SVEP1: variants seen among roughly 807,000 people sequenced by gnomAD.
SVEP1 encodes sushi, von Willebrand factor type A, EGF and pentraxin domain-containing protein 1.
SVEP1 carries 164 observed loss-of-function variants against 367.3 expected under a neutral mutation model. The ratio of observed to expected loss-of-function variants is 0.45; its 90% CI spans 0.39 to 0.51. The LOEUF (loss-of-function observed/expected upper bound fraction) is 0.51, where lower values mean the gene tolerates loss of function less well. Among genes scored for constraint, SVEP1 ranks in the 20% least tolerant of loss-of-function variants. The probability of loss-of-function intolerance (pLI) is 0.00; values close to 1 mark genes in which losing one functional copy is unlikely to be tolerated. For synonymous variants in SVEP1, 1,666 were observed against 1,611.6 expected (o/e 1.03, Z -0.81); for missense variants, 4,117 against 4,425.3 (o/e 0.93, Z 1.98).
Position 110,476,227 on chromosome 9 carries a change from T to C in SVEP1, c.2576A>G (p.Asp859Gly). Residue 859 changes from aspartate to glycine, a missense_variant, in exon 14 of 48, where the codon GAC (aspartate) becomes GGC (glycine). By Grantham distance (94) the Asp-to-Gly change is moderately conservative. This residue lies in a region of SVEP1 where 2,174 missense variants were observed against 2,494.3 expected (regional missense o/e 0.87). Transcript: ENST00000374469. ...TKKYCLEYNY[D>G]YENGFAIGPG... ...ACCAATTGCAAAGCCATTTTCATAGTCATAATTATATTCTAGGCAATATTT... is the reference window on the plus strand; with the variant it reads ...ACCAATTGCAAAGCCATTTTCATAGCCATAATTATATTCTAGGCAATATTT... 1 of 1,612,440 alleles carries C rather than the reference T, an allele frequency of 6.2e-7. No individual in the cohort carries two copies. The highest frequency in any genetic ancestry group is 1.3e-5 in the African/African-American group (1 of 74,984).
rs1830172127 is a variant in SVEP1 at position 110,542,996 on chromosome 9, TA to T, written c.964+3118del. 4.8e-5 allele frequency among the ~76,000 whole-genome samples: 7 copies of T among 147,084 alleles called. No individual in the cohort carries two copies. The South Asian group carries it at 1.1e-3, about 22-fold the overall frequency. On this transcript the variant is annotated intron_variant, in intron 3 of 47. Transcript: ENST00000374469. ...AAAATATATATATATATATATAAAA[TA>T]AAAAAAATAAAGGGGCTCACTGCTT...
At chr9:110,500,061 T>C (rs1156564154) in intron 6 of SVEP1, among the ~76,000 whole-genome samples, 1 of 152,242 alleles carries the variant, frequency 6.6e-6, no homozygotes, top group Non-Finnish European at 1.5e-5. Flanking sequence ...CTGAGCACAC[T>C]AGTAACTTTC....
chr9:110,383,746 G>A (rs1827478802), intron 43 of SVEP1, among the ~76,000 whole-genome samples: 1 of 152,168 alleles, frequency 6.6e-6, no homozygotes, highest in Admixed American at 6.5e-5. Flanking sequence ...GCCACATGGA[G>A]CCCCAGGGGC....
At chr9:110,390,325 T>TTATATAAGTATGTGTATATATAAG (rs1564127547) in intron 40 of SVEP1, among the ~76,000 whole-genome samples, 24 of 58,050 alleles carry the variant, frequency 4.1e-4, no homozygotes, top group African/African-American at 1.7e-3. Flanking sequence ...GTATATATAC[T>TTATATAAGTATGTGTATATATAAG]TATATATACA....
intron 36 of SVEP1, among the ~76,000 whole-genome samples, chr9:110,423,634 G>C (rs1292955860): frequency 1.3e-5 from 2 of 151,902 alleles, no homozygotes; most frequent in African/African-American, 4.8e-5. Context: ...ATCCCTAAAG[G>C]ACTCTAAAGG....
chr9:110,509,041 A>T (rs911211972), intron 5 of SVEP1, among the ~76,000 whole-genome samples: 2 of 152,176 alleles, frequency 1.3e-5, no homozygotes, highest in African/African-American at 4.8e-5. Context: ...ATCTGTAAAA[A>T]TATACTACTT....
At chr9:110,561,390 C>T (rs547423681) in intron 1 of SVEP1, among the ~76,000 whole-genome samples, 5 of 152,172 alleles carry the variant, frequency 3.3e-5, no homozygotes, top group Non-Finnish European at 5.9e-5. Flanking sequence ...CATCCCAAGT[C>T]GGATGGCAAG....
chr9:110,369,275 T>A (rs970287485), intron 47 of SVEP1, among the ~76,000 whole-genome samples: 1 of 152,210 alleles, frequency 6.6e-6, no homozygotes, highest in African/African-American at 2.4e-5. Context: ...TGACTTGTGA[T>A]AGTATTTTTA....
Position 110,443,604 on chromosome 9 carries a change from T to C in SVEP1, c.4580A>G (p.Tyr1527Cys). 3 of 1,613,258 alleles carry C rather than the reference T, an allele frequency of 1.9e-6. No homozygotes were observed. The highest frequency in any genetic ancestry group is 1.1e-5 in the South Asian group (1 of 90,860). Residue 1527 changes from tyrosine to cysteine, a missense_variant, in exon 27 of 48, where the codon TAT becomes TGT. Around this residue, in one of 4 missense-constraint regions of SVEP1, gnomAD observed 2,174 missense variants for 2,494.3 expected, o/e 0.87. Coordinates refer to ENST00000374469, the MANE Select transcript of SVEP1 (RefSeq NM_153366.4). The part of the protein sequence containing the change: ...WTSANGIWKV[Y>C]IDGKLSDGGA... ...ACCGTCAGATAATTTCCCATCGATATAGACTTTCCAGATGCCATTGGCACT... is the reference window on the plus strand; with the variant it reads ...ACCGTCAGATAATTTCCCATCGATACAGACTTTCCAGATGCCATTGGCACT...
chr9:110,473,210 A>G (rs1829047324), intron 14 of SVEP1, among the ~76,000 whole-genome samples: 1 of 152,138 alleles, frequency 6.6e-6, no homozygotes, highest in African/African-American at 2.4e-5. Flanking sequence ...TTTTGGCTTT[A>G]TTTATGCTTT....
intron 1 of SVEP1, among the ~76,000 whole-genome samples, chr9:110,572,714 TA>T (rs1243451346): frequency 1.4e-4 from 20 of 140,460 alleles, no homozygotes; most frequent in African/African-American, 4.3e-4. Context: ...ATACAAAATT[TA>T]GTCAGGTGTG....
chr9:110,513,888 C>A (rs1829759677), intron 4 of SVEP1, 60 bp downstream of exon 4: 1 of 1,518,290 alleles, frequency 6.6e-7, no homozygotes, highest in African/African-American at 1.4e-5. Flanking sequence ...AACACAAGCA[C>A]TATTTCTCTC....
rs758995605 is a variant in SVEP1 at position 110,455,577 on chromosome 9, A to G, written c.3787+13T>C. The G allele has an allele frequency of 6.3e-7, 1 of 1,589,886 alleles. No homozygotes were observed. The highest frequency in any genetic ancestry group is 1.3e-5 in the African/African-American group (1 of 74,204). On this transcript the variant is annotated intron_variant, in intron 22 of 47. Coordinates refer to ENST00000374469, the MANE Select transcript of SVEP1 (RefSeq NM_153366.4). ...AGATTTATATTGTTGAAAACAGGAG[A>G]CCTTCCCCTTACCTGTGTAACCTGA...
At chr9:110,404,675 C>CA in intron 38 of SVEP1, 123 bp from the exon 39 acceptor site, 27 of 869,872 alleles carry the variant, frequency 3.1e-5, no homozygotes, top group Non-Finnish European at 5.0e-5. Flanking sequence ...TTGATTGTTG[C>CA]ACAATCAATA....
intron 3 of SVEP1, among the ~76,000 whole-genome samples, chr9:110,539,164 C>T (rs1298529303): frequency 1.1e-4 from 17 of 151,974 alleles, no homozygotes; most frequent in Non-Finnish European, 2.2e-4. Flanking sequence ...TGAAGACAAG[C>T]AGTGGGGATA....
chr9:110,568,101 C>T (rs1028566648), intron 1 of SVEP1, among the ~76,000 whole-genome samples: 1 of 152,212 alleles, frequency 6.6e-6, no homozygotes, highest in Admixed American at 6.5e-5. Flanking sequence ...CTTTCCTTGT[C>T]TCATTTCCCC....
chr9:110,371,199 C>G (rs1025364297), intron 46 of SVEP1, among the ~76,000 whole-genome samples: 2 of 152,042 alleles, frequency 1.3e-5, no homozygotes, highest in South Asian at 4.1e-4. Flanking sequence ...TTAAAACAAG[C>G]AAAAATAAAA....
In SVEP1 at chr9:110,390,259, GTATGTA is replaced by G. The variant is rs1564127425; in HGVS notation, c.9823-678_9823-673del. On this transcript the variant is annotated intron_variant, in intron 40 of 47. Transcript: ENST00000374469. ...AGTATGTGTATATATACTTATATAA[GTATGTA>G]TATATATACTTATATATATACATAC... Among the ~76,000 whole-genome samples the G allele has an allele frequency of 2.2e-3, 120 of 53,920 alleles. 2 individuals are homozygous for G. In the East Asian group the frequency reaches 0.029, roughly 13 times the overall value. 35.4% of individuals were successfully genotyped at this position (53,920 alleles called of 152,430 possible).
At chr9:110,374,120 A>G (rs907526673) in intron 46 of SVEP1, among the ~76,000 whole-genome samples, 11 of 152,030 alleles carry the variant, frequency 7.2e-5, no homozygotes, top group South Asian at 2.1e-4. Context: ...CTAGTTCCCA[A>G]TAGTTATTTT....
Sources: gnomAD v4.1 joint callset for allele counts (sites outside exome capture counted in the v4.1 genomes callset) on GRCh38, gnomAD v4.1.1 for gene constraint, gnomAD v4.1.1 regional missense constraint, MANE v1.5 for transcripts, NCBI Gene and HGNC (gene_info 2026-07-23, HGNC 2026-07-21) for gene names.